The following NAV3 variants were observed in gnomAD, a reference collection of about 807,000 sequenced individuals.
NAV3 encodes neuron navigator 3.
In NAV3, 87 loss-of-function variants were observed where a neutral mutation model predicts 244.7. The ratio of observed to expected loss-of-function variants is 0.36; its 90% CI spans 0.30 to 0.42. The LOEUF (loss-of-function observed/expected upper bound fraction) is 0.42, where lower values mean the gene tolerates loss of function less well. Among genes scored for constraint, NAV3 ranks in the 20% least tolerant of loss-of-function variants. The pLI is 1.00. For synonymous variants in NAV3, 1,126 were observed against 1,042.2 expected, an observed-to-expected ratio of 1.08 and a Z score of -1.55; for missense variants, 2,663 against 2,893.3, an observed-to-expected ratio of 0.92 and a Z score of 1.83.
rs921630253 is a variant in NAV3, at chr12:77,994,668, T to C, written c.672-135T>C. Reference sequence around the variant, plus strand: ...ATACAACATTACCATAATTTTCTAATTAATTTGTTCTTTATACATGTTTAT... The same window carrying C: ...ATACAACATTACCATAATTTTCTAACTAATTTGTTCTTTATACATGTTTAT... On this transcript the variant is annotated intron_variant, in intron 5 of 39. Coordinates refer to ENST00000397909, the MANE Select transcript of NAV3 (RefSeq NM_001024383.2). The C allele has an allele frequency of 8.3e-6, 5 of 604,858 alleles. No homozygotes were observed. In the East Asian group the frequency reaches 8.6e-5, roughly 10 times the overall value. The allele number at this position is 604,858 out of a possible 1,614,324, so 37.5% of individuals were successfully genotyped here.
intron 29 of NAV3, 92 bp from the exon 30 acceptor site, chr12:78,180,779 C>A: frequency 1.0e-6 from 1 of 981,760 alleles, no homozygotes; most frequent in Non-Finnish European, 1.5e-6. Context: ...TTTTATTTAA[C>A]AAACAAGCTA....
chr12:78,010,280 A>G (rs1250131066), intron 8 of NAV3, among the ~76,000 whole-genome samples: 1 of 152,130 alleles, frequency 6.6e-6, no homozygotes, highest in Non-Finnish European at 1.5e-5. Flanking sequence ...TCTGACTTTC[A>G]CTGTTCTATC....
intron 38 of NAV3, among the ~76,000 whole-genome samples, chr12:78,202,629 A>C (rs1959833608): frequency 6.6e-6 from 1 of 152,122 alleles, no homozygotes; most frequent in Non-Finnish European, 1.5e-5. Context: ...GAAGAGGGAT[A>C]AAAATGTCTC....
chr12:77,822,975 C>T (rs749875104), intron 2 of NAV3, among the ~76,000 whole-genome samples: 1 of 152,202 alleles, frequency 6.6e-6, no homozygotes, highest in Non-Finnish European at 1.5e-5. Flanking sequence ...TTACTTCCCT[C>T]CACCTTAAGT....
chr12:77,715,056 T>C (rs372531981), intron 2 of NAV3, among the ~76,000 whole-genome samples: 3 of 152,200 alleles, frequency 2.0e-5, no homozygotes, highest in African/African-American at 7.2e-5. Context: ...GGTATTGATT[T>C]GGTTCTCCCA....
At chr12:78,186,893 A>G (rs991160381) in intron 31 of NAV3, among the ~76,000 whole-genome samples, 2 of 151,846 alleles carry the variant, frequency 1.3e-5, no homozygotes, top group African/African-American at 4.8e-5. Flanking sequence ...CTGTGTCTTC[A>G]CACAGTCTTA....
At chr12:77,627,284 C>T (rs978499375) in intron 2 of NAV3, among the ~76,000 whole-genome samples, 3 of 152,010 alleles carry the variant, frequency 2.0e-5, no homozygotes, top group Admixed American at 1.3e-4. Flanking sequence ...AATATATGAA[C>T]ACATATGTCC....
At chr12:77,981,084 AC>A (rs1869477084) in intron 5 of NAV3, among the ~76,000 whole-genome samples, 1 of 152,186 alleles carries the variant, frequency 6.6e-6, no homozygotes, top group South Asian at 2.1e-4. Context: ...TATTTCAGCC[AC>A]CCGGTTACTA....
intron 20 of NAV3, among the ~76,000 whole-genome samples, chr12:78,142,684 T>C (rs1956672153): frequency 1.1e-5 from 1 of 88,936 alleles, no homozygotes; most frequent in Non-Finnish European, 2.3e-5. Flanking sequence ...TATATATGTG[T>C]ATATATATAC....
At chr12:77,709,866 A>C (rs757548044) in intron 2 of NAV3, among the ~76,000 whole-genome samples, 3 of 152,200 alleles carry the variant, frequency 2.0e-5, no homozygotes, top group Non-Finnish European at 4.4e-5. Flanking sequence ...ATGTAGTTTC[A>C]AACTATCTTT....
intron 2 of NAV3, among the ~76,000 whole-genome samples, chr12:77,710,745 T>C (rs1349450536): frequency 6.6e-6 from 1 of 152,150 alleles, no homozygotes; most frequent in Non-Finnish European, 1.5e-5. Context: ...TTGTATATAA[T>C]TCTGACATAA....
intron 12 of NAV3, among the ~76,000 whole-genome samples, chr12:78,082,157 T>G (rs527429565): frequency 1.3e-5 from 2 of 152,306 alleles, no homozygotes; most frequent in African/African-American, 4.8e-5. Flanking sequence ...AGATGTGGCT[T>G]TGCTCCTCCT....
Position 77,799,688 on chromosome 12 carries a change from C to T in NAV3, c.73-140631C>T, listed in dbSNP as rs563164224. Among the ~76,000 whole-genome samples, 37 of 152,118 alleles carry T rather than the reference C, an allele frequency of 2.4e-4. 1 individual carries two copies. The South Asian group carries it at 5.6e-3, about 23-fold the overall frequency. On this transcript the variant is annotated intron_variant, in intron 2 of 8. Coordinates refer to the NAV3 transcript ENST00000550042. ...AATTGGAAAATGAAATACCAAGAGG[C>T]AAATGAACTTCCCTGGGTTGTGTAC... is the stretch of plus-strand genomic sequence containing the variant.
intron 1 of NAV3, among the ~76,000 whole-genome samples, chr12:77,922,918 T>C (rs890782366): frequency 8.5e-5 from 13 of 152,160 alleles, no homozygotes; most frequent in African/African-American, 2.9e-4. Context: ...TTGTAAATAC[T>C]ATTACACCCT....
chr12:77,581,826 T>A (rs1217240154), intron 2 of NAV3, among the ~76,000 whole-genome samples: 1 of 152,228 alleles, frequency 6.6e-6, no homozygotes, highest in Non-Finnish European at 1.5e-5. Context: ...TTTCTGCATT[T>A]ATGGGGTACC....
chr12:78,077,843 C>T (rs1440643091), intron 12 of NAV3, among the ~76,000 whole-genome samples: 1 of 152,200 alleles, frequency 6.6e-6, no homozygotes, highest in Non-Finnish European at 1.5e-5. Flanking sequence ...AGGGCTGAGG[C>T]AGGAGAATCG....
intron 3 of NAV3, among the ~76,000 whole-genome samples, chr12:77,965,413 G>T (rs1345063165): frequency 6.6e-6 from 1 of 152,048 alleles, no homozygotes; most frequent in African/African-American, 2.4e-5. Flanking sequence ...TGAGGTCAGT[G>T]GTTCGAGACC....
At chr12:78,022,954 T>C (rs970677985) in intron 9 of NAV3, among the ~76,000 whole-genome samples, 2 of 152,142 alleles carry the variant, frequency 1.3e-5, no homozygotes, top group Non-Finnish European at 2.9e-5. Flanking sequence ...GAAATGGTAA[T>C]GCCAAGACAC....
At chr12:77,966,207 T>C (rs1892499842) in intron 3 of NAV3, 22 bp from the exon 4 acceptor site, 4 of 1,611,436 alleles carry the variant, frequency 2.5e-6, no homozygotes, top group Non-Finnish European at 3.4e-6. Flanking sequence ...AAGTTGCTTT[T>C]TCACTGCTTT....
Sources: gnomAD v4.1 joint callset for allele counts (sites outside exome capture counted in the v4.1 genomes callset) on GRCh38, gnomAD v4.1.1 for gene constraint, MANE v1.5 for transcripts, NCBI Gene and HGNC (gene_info 2026-07-23, HGNC 2026-07-21) for gene names.